Variants in PAK4 observed in about 807,000 individuals in gnomAD.
The protein encoded by PAK4 is serine/threonine-protein kinase PAK 4.
A neutral mutation model predicts 53.5 loss-of-function variants in PAK4; 49 were observed. That is an observed-to-expected ratio of 0.92 (90% confidence interval 0.73 to 1.16). The LOEUF is 1.16. PAK4 is among the 50% of genes most tolerant of loss of function. The pLI is 0.00. For synonymous variants in PAK4, 376 were observed against 375.6 expected (o/e 1.00, Z -0.01); for missense variants, 824 against 850.7 (o/e 0.97, Z 0.39).
intron 1 of PAK4, among the ~76,000 whole-genome samples, chr19:39,147,513 C>T (rs1040685111): frequency 2.0e-5 from 3 of 152,126 alleles, no homozygotes; most frequent in African/African-American, 7.2e-5. Flanking sequence ...GGGGCCAATA[C>T]CCAGAGGTAC....
intron 1 of PAK4, among the ~76,000 whole-genome samples, chr19:39,126,591 C>T (rs1330323747): frequency 6.6e-6 from 1 of 152,024 alleles, no homozygotes; most frequent in Non-Finnish European, 1.5e-5. Context: ...CTTATTCAGT[C>T]CTCACTATAG....
Position 39,177,668 on chromosome 19 carries a change from GC to G in PAK4, c.1486-3del. The G allele has an allele frequency of 6.2e-7, 1 of 1,610,610 alleles. No homozygotes were observed. Among genetic ancestry groups the G allele is most frequent in the Non-Finnish European group, 8.5e-7 (1 of 1,177,870 alleles). On this transcript the variant is annotated splice_region_variant and splice_polypyrimidine_tract_variant and intron_variant, in intron 7 of 8. Coordinates refer to ENST00000358301, the Ensembl canonical transcript of PAK4. Reference sequence around the variant, plus strand: ...GCTCAGCCCTGCTGTCCCTTCTCCCGCCCCAGGTAGACATCTGGTCGCTGGG... The same window carrying G: ...GCTCAGCCCTGCTGTCCCTTCTCCCGCCCAGGTAGACATCTGGTCGCTGGG...
chr19:39,132,252 T>G (rs920453598), intron 1 of PAK4, among the ~76,000 whole-genome samples: 1 of 152,188 alleles, frequency 6.6e-6, no homozygotes, highest in Non-Finnish European at 1.5e-5. Context: ...GCATTACCTA[T>G]TCCCCTAAAT....
In PAK4 at chr19:39,173,974, G is replaced by C. The variant is rs1203528957; in HGVS notation, c.1062G>C (p.Leu354=). ...TGGTGGCCGTCAAGAAGATGGACCT[G>C]CGCAAGCAGCAGAGGCGCGAGCTGC... Residue 354 remains leucine (L), a synonymous_variant, in exon 4 of 9, where the codon CTG becomes CTC. Coordinates refer to ENST00000358301, the Ensembl canonical transcript of PAK4. The surrounding 1 kb of genome is among the most constrained non-coding windows in gnomAD (Gnocchi z 6.9). 1 of 1,608,154 alleles carries C rather than the reference G, an allele frequency of 6.2e-7. No homozygotes were observed. Among genetic ancestry groups the C allele is most frequent in the East Asian group, 2.2e-5 (1 of 44,738 alleles).
At chr19:39,177,327 T>TG (rs2074625800) in intron 7 of PAK4, among the ~76,000 whole-genome samples, 1 of 152,216 alleles carries the variant, frequency 6.6e-6, no homozygotes, top group Non-Finnish European at 1.5e-5. Context: ...TGGCTCAGCC[T>TG]GGGTCCTGTG....
At chr19:39,144,167 T>C (rs1390841458) in intron 1 of PAK4, among the ~76,000 whole-genome samples, 21 of 70,114 alleles carry the variant, frequency 3.0e-4, no homozygotes, top group African/African-American at 1.4e-3. Context: ...TAGATTAGAT[T>C]AGATAGATAG....
rs770265513 is a variant in PAK4 at position 39,175,413 on chromosome 19, C to G, written c.1334C>G (p.Ser445Trp). ...ATCCACCGGGACATCAAGAGCGACT[C>G]GATCCTGCTGACCCATGATGGCAGG... The change falls in exon 6 of 9, where the codon TCG becomes TGG. Residue 445 changes from serine (S) to tryptophan (W), a missense_variant. This residue lies in a region of PAK4 where 346 missense variants were observed against 415.0 expected (regional missense o/e 0.83). Coordinates refer to ENST00000358301, the Ensembl canonical transcript of PAK4. This position sits in a 1 kb window ranked among gnomAD's most constrained non-coding sequence, Gnocchi z 4.7. 2 of 1,611,878 alleles carry G rather than the reference C, an allele frequency of 1.2e-6. No individual in the cohort carries two copies.
Position 39,178,396 on chromosome 19 carries a change from C to T in PAK4, c.1621-28C>T, listed in dbSNP as rs1197808400. ...GCAAATGAACAGTGGGGAGCCTCGC[C>T]CCCTGACCCTCCCCTCCTTCTCGAC... On this transcript the variant is annotated intron_variant, in intron 8 of 8. Coordinates refer to ENST00000358301, the Ensembl canonical transcript of PAK4. The surrounding 1 kb of genome is among the most constrained non-coding windows in gnomAD (Gnocchi z 4.4). The T allele has an allele frequency of 6.4e-7, 1 of 1,562,506 alleles. No homozygotes were observed. Among genetic ancestry groups the T allele is most frequent in the South Asian group, 1.2e-5 (1 of 84,842 alleles).
In PAK4 at chr19:39,178,457, C is replaced by T. The variant is rs1417752986; in HGVS notation, c.1654C>T (p.Leu552=). The T allele has an allele frequency of 1.2e-6, 2 of 1,600,372 alleles. No homozygotes were observed. Among genetic ancestry groups the T allele is most frequent in the East Asian group, 4.5e-5 (2 of 43,982 alleles). The change falls in exon 9 of 9, where the codon CTG becomes TTG. Residue 552 remains leucine (L), a synonymous_variant. Transcript: ENST00000358301. This position sits in a 1 kb window ranked among gnomAD's most constrained non-coding sequence, Gnocchi z 4.4. ...ATCCCTGAAGGGCTTCCTGGACCGCCTGCTGGTGCGAGACCCTGCCCAGCG... is the reference window on the plus strand; with the variant it reads ...ATCCCTGAAGGGCTTCCTGGACCGCTTGCTGGTGCGAGACCCTGCCCAGCG...
At chr19:39,127,036 G>A (rs146211688) in intron 1 of PAK4, among the ~76,000 whole-genome samples, 2 of 152,076 alleles carry the variant, frequency 1.3e-5, no homozygotes, top group African/African-American at 2.4e-5. Flanking sequence ...GGATCGGATT[G>A]TCTGCTTGGT....
At chr19:39,177,406 T>C (rs2074627814) in intron 7 of PAK4, among the ~76,000 whole-genome samples, 1 of 150,902 alleles carries the variant, frequency 6.6e-6, no homozygotes, top group South Asian at 2.1e-4. Context: ...AACCCACCAG[T>C]GGATGCTACC....
At chr19:39,137,871 T>C (rs1036633962) in intron 1 of PAK4, among the ~76,000 whole-genome samples, 29 of 152,264 alleles carry the variant, frequency 1.9e-4, no homozygotes, top group Middle Eastern at 3.4e-3. Context: ...CTTTGCCGTG[T>C]TAGCCAGGAT....
intron 1 of PAK4, among the ~76,000 whole-genome samples, chr19:39,166,548 A>G (rs1237893092): frequency 6.6e-6 from 1 of 152,230 alleles, no homozygotes; most frequent in Admixed American, 6.5e-5. Context: ...CCAGGGCCAC[A>G]TATTGAGGTC....
intron 1 of PAK4, among the ~76,000 whole-genome samples, chr19:39,135,737 G>A (rs2073800678): frequency 6.6e-6 from 1 of 152,030 alleles, no homozygotes; most frequent in Non-Finnish European, 1.5e-5. Context: ...TGGGAACACA[G>A]ACCTCGACTG....
chr19:39,131,959 T>C (rs1299134672), intron 1 of PAK4, among the ~76,000 whole-genome samples: 2 of 152,190 alleles, frequency 1.3e-5, no homozygotes, highest in African/African-American at 4.8e-5. Flanking sequence ...AGCCCGATGC[T>C]CAGCACTCAG....
rs772648428 is a variant in PAK4 at position 39,173,645 on chromosome 19, T to A, written c.733T>A (p.Ser245Thr). The change falls in exon 4 of 9, where the codon TCC becomes ACC. Residue 245 changes from serine to threonine, a missense_variant. Physicochemically the swap from Ser to Thr is moderately conservative, Grantham distance 58. Around this residue, in one of 2 missense-constraint regions of PAK4, gnomAD observed 478 missense variants for 435.8 expected, o/e 1.10. Transcript: ENST00000358301. This position sits in a 1 kb window ranked among gnomAD's most constrained non-coding sequence, Gnocchi z 6.9. ...CCTGGCCATCCCCCAGTCCTCCTCCTCCTCCTCCCGGCCTCCCACCCGAGC... is the reference window on the plus strand; with the variant it reads ...CCTGGCCATCCCCCAGTCCTCCTCCACCTCCTCCCGGCCTCCCACCCGAGC... The A allele has an allele frequency of 6.4e-7, 1 of 1,572,132 alleles. No individual in the cohort carries two copies. The highest frequency in any genetic ancestry group is 1.2e-5 in the South Asian group (1 of 85,102).
In PAK4 at chr19:39,175,020, G is replaced by T. The variant is rs1182024101; in HGVS notation, c.1188G>T (p.Glu396Asp). The T allele has an allele frequency of 6.2e-7, 1 of 1,613,820 alleles. No individual in the cohort carries two copies. Among genetic ancestry groups the T allele is most frequent in the South Asian group, 1.1e-5 (1 of 91,084 alleles). Residue 396 changes from glutamate (E) to aspartate (D), a missense_variant, in exon 5 of 9, where the codon GAG (glutamate) becomes GAT (aspartate). Glu to Asp is a conservative substitution (Grantham distance 45). This residue lies in a region of PAK4 where 346 missense variants were observed against 415.0 expected (regional missense o/e 0.83). Coordinates refer to ENST00000358301, the Ensembl canonical transcript of PAK4. This position sits in a 1 kb window ranked among gnomAD's most constrained non-coding sequence, Gnocchi z 4.7. Reference sequence around the variant, plus strand: ...GGGACGAGCTCTGGGTGGTCATGGAGTTCCTGGAAGGAGGCGCCCTCACCG... The same window carrying T: ...GGGACGAGCTCTGGGTGGTCATGGATTTCCTGGAAGGAGGCGCCCTCACCG...
chr19:39,152,792 T>A (rs745484622), intron 1 of PAK4, among the ~76,000 whole-genome samples: 3 of 151,890 alleles, frequency 2.0e-5, no homozygotes, highest in Non-Finnish European at 4.4e-5. Flanking sequence ...CCATTGGGGG[T>A]CTTGGAACAT....
chr19:39,174,902 C>T (rs768660620), intron 4 of PAK4, 29 bp from the exon 6 acceptor site: 8 of 1,612,888 alleles, frequency 5.0e-6, no homozygotes, highest in East Asian at 2.2e-5. Context: ...CTCCCGCCTC[C>T]CTCCACCACT....
Sources: allele counts gnomAD v4.1 joint callset (sites outside exome capture counted in the v4.1 genomes callset), GRCh38; gene constraint gnomAD v4.1.1; regional missense constraint gnomAD v4.1.1; non-coding constraint Gnocchi (gnomAD v3.1); transcripts MANE v1.5; gene names NCBI Gene and HGNC (gene_info 2026-07-23, HGNC 2026-07-21).